ENOSF1: variants seen among roughly 807,000 people sequenced by gnomAD.
ENOSF1 encodes enolase superfamily member 1, also known as mitochondrial enolase superfamily member 1.
A neutral mutation model predicts 68.2 loss-of-function variants in ENOSF1; 73 were observed. That is an observed-to-expected ratio of 1.07 (90% CI 0.89 to 1.30). ENOSF1 has a LOEUF of 1.30. ENOSF1 is among the 50% of genes most tolerant of loss of function. ENOSF1 has a pLI of 0.00. For synonymous variants in ENOSF1, 223 were observed against 210.4 expected, an observed-to-expected ratio of 1.06 and a Z score of -0.52; for missense variants, 589 against 554.5, an observed-to-expected ratio of 1.06 and a Z score of -0.62.
intron 2 of ENOSF1, among the ~76,000 whole-genome samples, chr18:705,765 T>C (rs557722193): frequency 2.0e-5 from 3 of 152,180 alleles, no homozygotes; most frequent in Admixed American, 6.5e-5. Context: ...TCCCAGCACT[T>C]TGCGAGGCTG....
chr18:677,926 G>A, intron 12 of ENOSF1, 54 bp from the exon 13 acceptor site: 1 of 1,583,434 alleles, frequency 6.3e-7, no homozygotes, highest in Non-Finnish European at 8.6e-7. Flanking sequence ...TGGCCTTCAG[G>A]ATCTCTAAAC....
intron 2 of ENOSF1, among the ~76,000 whole-genome samples, chr18:703,680 C>T (rs759952843): frequency 3.3e-5 from 5 of 152,186 alleles, no homozygotes; most frequent in African/African-American, 4.8e-5. Context: ...CACCTCAAAG[C>T]ATTACTTCTG....
At chr18:703,922 A>C (rs2078644622) in intron 2 of ENOSF1, among the ~76,000 whole-genome samples, 1 of 152,072 alleles carries the variant, frequency 6.6e-6, no homozygotes, top group South Asian at 2.1e-4. Flanking sequence ...GTGACTTAAA[A>C]GTGTGTAGCA....
chr18:689,134 C>T (rs1285575845), intron 8 of ENOSF1, among the ~76,000 whole-genome samples: 3 of 152,174 alleles, frequency 2.0e-5, no homozygotes, highest in African/African-American at 4.8e-5. Flanking sequence ...GTGGGTCTAC[C>T]GCTGGTGCTG....
chr18:678,232 C>G (rs2075711033), intron 12 of ENOSF1: 1 of 295,110 alleles, frequency 3.4e-6, no homozygotes, highest in Non-Finnish European at 6.4e-6. Flanking sequence ...CAACACGGAA[C>G]CACGGCAGAG....
Position 688,615 on chromosome 18 carries a change from G to A in ENOSF1, c.619-7C>T. ...TCAGCGCCTGGGCACAGAGCTGTGGGAAAGGAGCACAGGGTCACACACTGG... is the reference window on the plus strand; with the variant it reads ...TCAGCGCCTGGGCACAGAGCTGTGGAAAAGGAGCACAGGGTCACACACTGG... On this transcript the variant is annotated splice_polypyrimidine_tract_variant and splice_region_variant and intron_variant, in intron 8 of 15. Coordinates refer to ENST00000647584, the MANE Select transcript of ENOSF1 (RefSeq NM_017512.7). The A allele has an allele frequency of 6.2e-7, 1 of 1,613,932 alleles. No homozygotes were observed. The highest frequency in any genetic ancestry group is 8.5e-7 in the Non-Finnish European group (1 of 1,179,890).
chr18:712,568 G>C lies in ENOSF1; in HGVS notation c.20C>G (p.Ser7Cys), dbSNP rs3786349. MVRGRI[S>C]RLSVRDVRFP... is the part of the protein sequence containing the mutation. The stretch of plus-strand genomic sequence containing the variant: ...GCGCACGTCCCGGACCGAGAGCCGG[G>C]AGATCCTGCCGCGCACCATGGCCCC... Residue 7 changes from serine to cysteine, a missense_variant, in exon 1 of 16, where the codon TCC (serine) becomes TGC (cysteine). Physicochemically the swap from Ser to Cys is moderately radical, Grantham distance 112. Coordinates refer to ENST00000647584, the MANE Select transcript of ENOSF1 (RefSeq NM_017512.7). 8.0e-4 allele frequency: 1,086 copies of C among 1,359,960 alleles called. 42 individuals are homozygous for C. Among genetic ancestry groups the C allele is most frequent in the Admixed American group, 1.7e-3 (83 of 48,186 alleles). The allele number at this position is 1,359,960 out of a possible 1,614,324, so 84.2% of individuals were successfully genotyped here.
intron 8 of ENOSF1, among the ~76,000 whole-genome samples, chr18:689,333 G>T (rs2606254): frequency 0.33 from 50,358 of 152,038 alleles, 8,656 homozygotes; most frequent in Non-Finnish European, 0.37. Context: ...CAGGTTGGAG[G>T]GCAGTGGCGT....
rs753076959 is a variant in ENOSF1 at position 677,834 on chromosome 18, C to T, written c.957G>A (p.Ala319=). The T allele has an allele frequency of 1.4e-5, 22 of 1,614,004 alleles. No homozygotes were observed. The highest frequency in any genetic ancestry group is 2.7e-5 in the African/African-American group (2 of 74,926). The part of the protein sequence containing the change: ...NRVIFKQLLQ[A]KALQFLQIDS... The stretch of plus-strand genomic sequence containing the variant: ...CAATCTGGAGGAACTGCAGGGCCTT[C>T]GCCTGTAGGAGTTGCTTAAATATCA... Residue 319 remains alanine, a synonymous_variant, in exon 13 of 16, where the codon GCG becomes GCA. Transcript: ENST00000647584.
chr18:683,636 T>C (rs1183895331), intron 10 of ENOSF1, among the ~76,000 whole-genome samples: 1 of 152,030 alleles, frequency 6.6e-6, no homozygotes, highest in Non-Finnish European at 1.5e-5. Flanking sequence ...TGTCCAGCAG[T>C]GCCCTGGGCT....
In ENOSF1 at chr18:704,444, A is replaced by G. The variant is rs549209297; in HGVS notation, c.193+2026T>C. Among the ~76,000 whole-genome samples the G allele has an allele frequency of 8.6e-4, 130 of 150,534 alleles. 1 individual carries two copies. Among genetic ancestry groups the G allele is most frequent in the African/African-American group, 3.0e-3 (123 of 41,046 alleles). On this transcript the variant is annotated intron_variant, in intron 2 of 15. Coordinates refer to ENST00000647584, the MANE Select transcript of ENOSF1 (RefSeq NM_017512.7). ...CTCTTGTTTCCAAAAAGAAAAGAAA[A>G]AAAAAAAAAAAAAGAACAGCCTAAT...
intron 5 of ENOSF1, chr18:692,189 G>A (rs2077255959): frequency 6.6e-6 from 1 of 152,230 alleles, no homozygotes; most frequent in African/African-American, 2.4e-5. Context: ...TCCCCACCCT[G>A]ACGGAACAGT....
intron 2 of ENOSF1, among the ~76,000 whole-genome samples, chr18:699,112 G>A (rs954698916): frequency 1.3e-5 from 2 of 152,070 alleles, no homozygotes; most frequent in African/African-American, 2.4e-5. Flanking sequence ...CTCCCACCTC[G>A]GCCTCCTGAA....
Position 674,799 on chromosome 18 carries a change from C to T in ENOSF1, c.1231-393G>A, listed in dbSNP as rs867335992. On this transcript the variant is annotated intron_variant, in intron 15 of 15. Coordinates refer to ENST00000647584, the MANE Select transcript of ENOSF1 (RefSeq NM_017512.7). ...CCTCCCAAAGTGTTGGGATTACAGG[C>T]GTAAGCCACCATGCCCAGCCCTGAA... 3.3e-5 allele frequency among the ~76,000 whole-genome samples: 5 copies of T among 152,284 alleles called. No individual in the cohort carries two copies. In the East Asian group the frequency reaches 5.8e-4, roughly 18 times the overall value.
chr18:686,085 G>T, intron 9 of ENOSF1, 77 bp from the exon 10 acceptor site: 1 of 972,380 alleles, frequency 1.0e-6, no homozygotes, highest in Non-Finnish European at 1.7e-6. Context: ...CTGCAGAAGT[G>T]ACCGTCTCTG....
At position 675,364 on chromosome 18, in the gene ENOSF1, T is replaced by C; in HGVS notation, c.1187A>G (p.Lys396Arg). The C allele has an allele frequency of 1.9e-6, 3 of 1,613,122 alleles. No homozygotes were observed. Among genetic ancestry groups the C allele is most frequent in the Non-Finnish European group, 2.5e-6 (3 of 1,179,842 alleles). ...EYVDHLHEHF[K>R]YPVMIQRASY... ...AGCCCGCTGGATCATCACGGGATAC[T>C]TGAAATGCTCATGCAGGTGGTCAAC... The change falls in exon 15 of 16, where the codon AAG becomes AGG. Residue 396 changes from lysine to arginine, a missense_variant. By Grantham distance (26) the Lys-to-Arg change is conservative. Coordinates refer to ENST00000647584, the MANE Select transcript of ENOSF1 (RefSeq NM_017512.7).
intron 10 of ENOSF1, among the ~76,000 whole-genome samples, chr18:684,152 C>T (rs1409166536): frequency 6.6e-6 from 1 of 151,936 alleles, no homozygotes; most frequent in Non-Finnish European, 1.5e-5. Context: ...CACCACCACA[C>T]CAGGCTATTT....
chr18:702,354 C>T (rs2078456414), intron 2 of ENOSF1, among the ~76,000 whole-genome samples: 1 of 151,100 alleles, frequency 6.6e-6, no homozygotes, highest in Admixed American at 6.6e-5. Flanking sequence ...GGGTGGATCA[C>T]CTGAGGTCAG....
chr18:675,480 A>G lies in ENOSF1; in HGVS notation c.1149-78T>C, dbSNP rs911714128. 12 of 1,228,754 alleles carry G rather than the reference A, an allele frequency of 9.8e-6. No individual in the cohort carries two copies. The African/African-American group carries it at 1.8e-4, about 18-fold the overall frequency. The allele number at this position is 1,228,754 out of a possible 1,614,324, so 76.1% of individuals were successfully genotyped here. A position where few individuals can be genotyped will look rare whatever the true frequency, so the allele number is the denominator to read the frequency against. On this transcript the variant is annotated intron_variant, in intron 14 of 15. Coordinates refer to ENST00000647584, the MANE Select transcript of ENOSF1 (RefSeq NM_017512.7). ...CGTGGTGCTAACTTAAAGCAGAAGG[A>G]GCGAGTACCACTCAATTGACAGTGT...
Sources: gnomAD v4.1 joint callset for allele counts (sites outside exome capture counted in the v4.1 genomes callset) on GRCh38, gnomAD v4.1.1 for gene constraint, MANE v1.5 for transcripts, NCBI Gene and HGNC (gene_info 2026-07-23, HGNC 2026-07-21) for gene names.